GPC5: variants seen among roughly 807,000 people sequenced by gnomAD.
GPC5 encodes glypican 5.
A neutral mutation model predicts 53.9 loss-of-function variants in GPC5; 47 were observed. The observed-to-expected ratio is 0.87, with a 90% CI of 0.69 to 1.11. GPC5 has a LOEUF of 1.11. Among genes scored for constraint, GPC5 ranks in the 50% most tolerant of loss-of-function variants. The pLI is 0.00. For missense variants in GPC5, 748 were observed against 713.1 expected (o/e 1.05, Z -0.56); for synonymous variants, 286 against 263.3 (o/e 1.09, Z -0.84).
intron 2 of GPC5, among the ~76,000 whole-genome samples, chr13:91,688,586 A>G (rs1284271647): frequency 2.6e-5 from 4 of 152,180 alleles, no homozygotes; most frequent in African/African-American, 9.7e-5. Flanking sequence ...TTGTGTTCAG[A>G]TATTCAGGAA....
At chr13:92,038,803 A>T (rs898950780) in intron 6 of GPC5, among the ~76,000 whole-genome samples, 1 of 152,072 alleles carries the variant, frequency 6.6e-6, no homozygotes, top group Non-Finnish European at 1.5e-5. Context: ...AGCGAATGCA[A>T]ACAGAGAAGT....
In GPC5 at chr13:91,803,654, A is replaced by C. The variant is rs181661442; in HGVS notation, c.1280+47234A>C. Reference sequence around the variant, plus strand: ...AATTTTTCGTAAGATTGTTACATTAAGTTTAACAATTGTTAGATTTTTAAA... The same window carrying C: ...AATTTTTCGTAAGATTGTTACATTACGTTTAACAATTGTTAGATTTTTAAA... On this transcript the variant is annotated intron_variant, in intron 5 of 7. Transcript: ENST00000377067. Among the ~76,000 whole-genome samples the C allele has an allele frequency of 7.7e-3, 1,179 of 152,252 alleles. 11 individuals are homozygous for C. Among genetic ancestry groups the C allele is most frequent in the Non-Finnish European group, 0.012 (848 of 68,020 alleles).
intron 4 of GPC5, among the ~76,000 whole-genome samples, chr13:91,731,329 G>A (rs1566644843): frequency 6.6e-6 from 1 of 152,090 alleles, no homozygotes; most frequent in Admixed American, 6.6e-5. Flanking sequence ...CCAAATAGGC[G>A]AGGTAAGTAG....
intron 7 of GPC5, among the ~76,000 whole-genome samples, chr13:92,552,748 T>C (rs1482074477): frequency 6.6e-6 from 1 of 151,982 alleles, no homozygotes; most frequent in Non-Finnish European, 1.5e-5. Context: ...AGAAATGCTT[T>C]TCTACTTTTT....
chr13:91,928,690 C>A (rs1158287144), intron 6 of GPC5, among the ~76,000 whole-genome samples: 1 of 152,132 alleles, frequency 6.6e-6, no homozygotes, highest in Non-Finnish European at 1.5e-5. Flanking sequence ...CTCCAGAAAT[C>A]CCTTCTTTGC....
intron 7 of GPC5, among the ~76,000 whole-genome samples, chr13:92,588,779 C>T (rs779297842): frequency 2.6e-5 from 4 of 152,212 alleles, no homozygotes; most frequent in East Asian, 3.9e-4. Flanking sequence ...AAAATTGTCC[C>T]GGTCCCTGAT....
At chr13:91,662,024 G>A (rs1384437261) in intron 2 of GPC5, among the ~76,000 whole-genome samples, 1 of 152,136 alleles carries the variant, frequency 6.6e-6, no homozygotes, top group Non-Finnish European at 1.5e-5. Context: ...GATCTAGGCT[G>A]GAGATACACA....
At chr13:92,641,024 T>C (rs373972932) in intron 7 of GPC5, among the ~76,000 whole-genome samples, 1 of 151,878 alleles carries the variant, frequency 6.6e-6, no homozygotes, top group Non-Finnish European at 1.5e-5. Flanking sequence ...GCAACCATGG[T>C]GGTAAAGAAT....
intron 4 of GPC5, among the ~76,000 whole-genome samples, chr13:91,748,239 C>T (rs1196521954): frequency 1.3e-5 from 2 of 152,170 alleles, no homozygotes; most frequent in African/African-American, 4.8e-5. Flanking sequence ...TGTGTCACTA[C>T]ATATTAATTT....
rs998259016 is a variant in GPC5, at chr13:91,489,757, T to A, written c.325+40835T>A. ...AGACAAATGTTCATATTATGAACATTTTAGCAAAACCTAATTGCTCTGAGA... is the reference window on the plus strand; with the variant it reads ...AGACAAATGTTCATATTATGAACATATTAGCAAAACCTAATTGCTCTGAGA... On this transcript the variant is annotated intron_variant, in intron 2 of 7. Transcript: ENST00000377067. Among the ~76,000 whole-genome samples the A allele has an allele frequency of 2.0e-5, 3 of 152,158 alleles. No homozygotes were observed. In the South Asian group the frequency reaches 6.2e-4, roughly 32 times the overall value.
At chr13:92,505,630 C>G (rs908736398) in intron 7 of GPC5, among the ~76,000 whole-genome samples, 10 of 152,030 alleles carry the variant, frequency 6.6e-5, no homozygotes, top group African/African-American at 2.2e-4. Context: ...AGAAAAATAA[C>G]TTAGATTTAT....
intron 1 of GPC5, among the ~76,000 whole-genome samples, chr13:91,408,457 T>G (rs1455540505): frequency 1.3e-5 from 2 of 152,202 alleles, no homozygotes; most frequent in African/African-American, 4.8e-5. Flanking sequence ...CATCTGCTGA[T>G]GGATACCTAG....
intron 7 of GPC5, among the ~76,000 whole-genome samples, chr13:92,229,999 A>G (rs1366818512): frequency 1.3e-5 from 2 of 152,156 alleles, no homozygotes; most frequent in East Asian, 3.8e-4. Context: ...ACCTCTGAAG[A>G]TAGAGCACTA....
intron 7 of GPC5, among the ~76,000 whole-genome samples, chr13:92,328,895 G>A (rs762718091): frequency 6.6e-5 from 10 of 152,048 alleles, no homozygotes; most frequent in Non-Finnish European, 1.3e-4. Flanking sequence ...CTGAAACAAT[G>A]GCATGGTGCT....
Position 91,897,368 on chromosome 13 carries a change from T to TGTGTGC in GPC5, c.1281-10568_1281-10567insTGTGCG, listed in dbSNP as rs1555295196. Among the ~76,000 whole-genome samples the TGTGTGC allele has an allele frequency of 8.3e-3, 1,245 of 149,506 alleles. 14 individuals carry two copies. Among genetic ancestry groups the TGTGTGC allele is most frequent in the African/African-American group, 0.019 (773 of 40,614 alleles). On this transcript the variant is annotated intron_variant, in intron 5 of 7. Transcript: ENST00000377067. Reference sequence around the variant, plus strand: ...GTGTGTGTGTGTGTGTGTGTGTGTGTGCGCCTGTGCATGTGTATGCATTTC... The same window carrying TGTGTGC: ...GTGTGTGTGTGTGTGTGTGTGTGTGTGTGTGCGCGCCTGTGCATGTGTATGCATTTC...
At chr13:92,021,591 T>C (rs1368296219) in intron 6 of GPC5, among the ~76,000 whole-genome samples, 1 of 152,222 alleles carries the variant, frequency 6.6e-6, no homozygotes, top group Non-Finnish European at 1.5e-5. Flanking sequence ...GTTGTCCACT[T>C]AAACTTTTGT....
At chr13:92,126,998 A>T (rs2041703307) in intron 6 of GPC5, among the ~76,000 whole-genome samples, 1 of 152,148 alleles carries the variant, frequency 6.6e-6, no homozygotes, top group African/African-American at 2.4e-5. Context: ...CTCAACCCTT[A>T]AGTCAAGTGG....
intron 6 of GPC5, among the ~76,000 whole-genome samples, chr13:92,128,578 C>A (rs1376885530): frequency 6.6e-6 from 1 of 152,204 alleles, no homozygotes; most frequent in Non-Finnish European, 1.5e-5. Context: ...TACTTCATTA[C>A]TCTGTCAGAG....
chr13:91,526,245 C>T (rs539254789), intron 2 of GPC5, among the ~76,000 whole-genome samples: 42 of 152,246 alleles, frequency 2.8e-4, no homozygotes, highest in African/African-American at 8.9e-4. Flanking sequence ...CACAAGTTGT[C>T]GTTAGTTTTT....
Sources: gnomAD v4.1 joint callset for allele counts (sites outside exome capture counted in the v4.1 genomes callset) on GRCh38, gnomAD v4.1.1 for gene constraint, MANE v1.5 for transcripts, NCBI Gene and HGNC (gene_info 2026-07-23, HGNC 2026-07-21) for gene names.